The following GRIA4 variants were observed in gnomAD, a reference collection of about 807,000 sequenced individuals.
GRIA4 encodes glutamate ionotropic receptor AMPA type subunit 4, also known as glutamate receptor 4.
Under a neutral mutation model 104.0 loss-of-function variants are expected in GRIA4, and 34 were observed. The observed-to-expected ratio is 0.33, with a 90% CI of 0.25 to 0.44. The LOEUF is 0.44. GRIA4 is among the 20% of genes least tolerant of loss of function. The probability of loss-of-function intolerance (pLI) is 1.00; values close to 1 mark genes in which losing one functional copy is unlikely to be tolerated. For synonymous variants in GRIA4, 386 were observed against 381.9 expected (o/e 1.01, Z -0.13); for missense variants, 750 against 1,096.5 (o/e 0.68, Z 4.46).
At chr11:105,878,070 T>G (rs1310043875) in intron 5 of GRIA4, among the ~76,000 whole-genome samples, 1 of 152,200 alleles carries the variant, frequency 6.6e-6, no homozygotes, top group East Asian at 1.9e-4. Flanking sequence ...GTCTTTGATG[T>G]TGGTGACCTT....
chr11:105,621,356 A>T (rs1365166691), intron 3 of GRIA4, among the ~76,000 whole-genome samples: 1 of 151,552 alleles, frequency 6.6e-6, no homozygotes, highest in East Asian at 1.9e-4. Flanking sequence ...AATCAGACTA[A>T]ACAGTTTGCT....
In GRIA4 at chr11:105,931,705, C is replaced by T. The variant is rs1591458887; in HGVS notation, c.2047-2017C>T. 1.3e-5 allele frequency among the ~76,000 whole-genome samples: 2 copies of T among 151,402 alleles called. 1 individual carries two copies. Among genetic ancestry groups the T allele is most frequent in the South Asian group, 4.2e-4 (2 of 4,808 alleles). On this transcript the variant is annotated intron_variant, in intron 13 of 16. Transcript: ENST00000282499. Reference sequence around the variant, plus strand: ...GGGTGACAGAGCAAGACTCCATCTGCCCCCTCAAAAAAAAAATGAATATAG... The same window carrying T: ...GGGTGACAGAGCAAGACTCCATCTGTCCCCTCAAAAAAAAAATGAATATAG...
intron 3 of GRIA4, among the ~76,000 whole-genome samples, chr11:105,742,256 C>T (rs1029301444): frequency 2.6e-5 from 4 of 152,110 alleles, no homozygotes; most frequent in African/African-American, 9.7e-5. Context: ...CACTGATTTG[C>T]AACCTTCCCT....
chr11:105,735,074 G>A (rs1938847544), intron 3 of GRIA4, among the ~76,000 whole-genome samples: 1 of 152,108 alleles, frequency 6.6e-6, no homozygotes, highest in Non-Finnish European at 1.5e-5. Context: ...GCCCCCAACA[G>A]AGTACCTAAA....
intron 3 of GRIA4, among the ~76,000 whole-genome samples, chr11:105,646,723 A>C (rs925099137): frequency 4.6e-5 from 7 of 152,234 alleles, no homozygotes; most frequent in African/African-American, 1.7e-4. Context: ...TGGTGTTGGG[A>C]TAACTGGCTA....
chr11:105,905,392 A>G, intron 9 of GRIA4, 91 bp downstream of exon 9: 2 of 704,718 alleles, frequency 2.8e-6, no homozygotes, highest in Non-Finnish European at 5.0e-6. Flanking sequence ...ATGGCTGAAC[A>G]TTTCCTTTTT....
chr11:105,618,699 A>G (rs1353254052), intron 3 of GRIA4, among the ~76,000 whole-genome samples: 1 of 151,882 alleles, frequency 6.6e-6, no homozygotes, highest in Admixed American at 6.6e-5. Flanking sequence ...GTGTGTCTGG[A>G]GCTTTTGGGT....
chr11:105,767,398 T>C (rs1165909522), intron 4 of GRIA4, among the ~76,000 whole-genome samples: 1 of 152,138 alleles, frequency 6.6e-6, no homozygotes, highest in Admixed American at 6.6e-5. Flanking sequence ...ATAAGAAGTG[T>C]ATATTATGTT....
intron 3 of GRIA4, among the ~76,000 whole-genome samples, chr11:105,679,677 G>A (rs4755107): frequency 0.5 from 76,427 of 151,732 alleles, 19,458 homozygotes; most frequent in Admixed American, 0.59. Flanking sequence ...AATAAGAACA[G>A]GAAAAAAAGA....
chr11:105,730,547 C>T (rs376009813), intron 3 of GRIA4, among the ~76,000 whole-genome samples: 5 of 151,932 alleles, frequency 3.3e-5, no homozygotes. Context: ...CATATGGAAC[C>T]GAAAAAGAGC....
chr11:105,627,440 A>C (rs1039654625), intron 3 of GRIA4, among the ~76,000 whole-genome samples: 7 of 152,134 alleles, frequency 4.6e-5, no homozygotes, highest in Admixed American at 3.3e-4. Flanking sequence ...GAATTATTTT[A>C]AGCAGTCTAT....
chr11:105,907,623 A>G (rs1217276551), intron 9 of GRIA4, among the ~76,000 whole-genome samples: 1 of 152,020 alleles, frequency 6.6e-6, no homozygotes, highest in Non-Finnish European at 1.5e-5. Context: ...TCTTCTTATC[A>G]CTCCAGTGAC....
At chr11:105,725,659 A>G (rs943252522) in intron 3 of GRIA4, among the ~76,000 whole-genome samples, 2 of 152,148 alleles carry the variant, frequency 1.3e-5, no homozygotes, top group Non-Finnish European at 2.9e-5. Flanking sequence ...ACCAACACAG[A>G]AAGAGGGTGA....
At chr11:105,811,559 T>G (rs1372394669) in intron 4 of GRIA4, among the ~76,000 whole-genome samples, 2 of 152,174 alleles carry the variant, frequency 1.3e-5, no homozygotes, top group Admixed American at 1.3e-4. Context: ...AAAATGGCAT[T>G]GTCTACATGT....
rs529161981 is a variant in GRIA4, at chr11:105,646,265, C to T, written c.247+33831C>T. ...ATACAAAACTTAGTAGGAAATTTAT[C>T]GTATTGAAGATTCAGAGGAAAATAT... On this transcript the variant is annotated intron_variant, in intron 3 of 16. Transcript: ENST00000282499. Among the ~76,000 whole-genome samples the T allele has an allele frequency of 5.9e-5, 9 of 152,136 alleles. No individual in the cohort carries two copies. In the East Asian group the frequency reaches 9.7e-4, roughly 16 times the overall value.
At chr11:105,793,256 C>T (rs1942295760) in intron 4 of GRIA4, among the ~76,000 whole-genome samples, 1 of 152,108 alleles carries the variant, frequency 6.6e-6, no homozygotes, top group Non-Finnish European at 1.5e-5. Context: ...AGTGCATCCA[C>T]AAGTCTGCAC....
At chr11:105,781,018 T>C in intron 4 of GRIA4, among the ~76,000 whole-genome samples, 1 of 152,170 alleles carries the variant, frequency 6.6e-6, no homozygotes, top group East Asian at 1.9e-4. Flanking sequence ...TCAGTTGCCA[T>C]TTAGACTGAC....
intron 3 of GRIA4, among the ~76,000 whole-genome samples, chr11:105,658,903 T>C (rs193260653): frequency 1.3e-5 from 2 of 152,094 alleles, no homozygotes; most frequent in East Asian, 3.9e-4. Flanking sequence ...CAAGTCAAGA[T>C]GACAGACAGA....
chr11:105,924,374 T>A (rs1387022937), intron 11 of GRIA4, 25 bp from the exon 12 acceptor site: 2 of 1,535,018 alleles, frequency 1.3e-6, no homozygotes, highest in South Asian at 2.5e-5. Context: ...AACCTATGTG[T>A]CTCCATGTGT....
Sources: gnomAD v4.1 joint callset for allele counts (sites outside exome capture counted in the v4.1 genomes callset) on GRCh38, gnomAD v4.1.1 for gene constraint, MANE v1.5 for transcripts, NCBI Gene and HGNC (gene_info 2026-07-23, HGNC 2026-07-21) for gene names.